Variants in PCDHA3 observed in about 807,000 individuals in gnomAD.
The protein encoded by PCDHA3 is protocadherin alpha-3.
In PCDHA3, 41 loss-of-function variants were observed where a neutral mutation model predicts 62.2. The observed-to-expected ratio is 0.66, with a 90% CI of 0.51 to 0.86. PCDHA3 has a LOEUF of 0.86. PCDHA3 is among the 40% of genes least tolerant of loss of function. The pLI is 0.00. For synonymous variants in PCDHA3, 640 were observed against 555.4 expected (o/e 1.15, Z -2.14); for missense variants, 1,304 against 1,241.2 (o/e 1.05, Z -0.76).
At chr5:141,006,033 G>A (rs1162099125) in intron 3 of PCDHA3, among the ~76,000 whole-genome samples, 1 of 151,252 alleles carries the variant, frequency 6.6e-6, no homozygotes, top group Non-Finnish European at 1.5e-5. Context: ...TAGTAAGAGG[G>A]AGATTTGTAG....
intron 1 of PCDHA3, chr5:140,870,316 T>C (rs1178506832): frequency 1.2e-6 from 2 of 1,614,126 alleles, no homozygotes; most frequent in Admixed American, 3.3e-5. Context: ...GAATTACTAC[T>C]CGTTGGTGCT....
chr5:140,831,489 T>TGGG (rs2150194957), intron 1 of PCDHA3, among the ~76,000 whole-genome samples: 86,355 of 148,546 alleles, frequency 0.58, 25,923 homozygotes, highest in African/African-American at 0.72. Flanking sequence ...CCTCTGGAGT[T>TGGG]ACTACACACG....
Position 140,802,670 on chromosome 5 carries a change from C to G in PCDHA3, c.1473C>G (p.Ser491=). 1.9e-6 allele frequency: 3 copies of G among 1,613,448 alleles called. No homozygotes were observed. In the South Asian group the frequency reaches 3.3e-5, roughly 18 times the overall value. Residue 491 remains serine, a synonymous_variant, in exon 1 of 4, where the codon TCC becomes TCG. Transcript: ENST00000522353. The part of the protein sequence containing the change: ...DADAQENALV[S]YSLVERRVGE... ...ACGCGCAGGAGAACGCCCTGGTGTC[C>G]TACTCGCTGGTGGAACGGCGGGTGG... is the stretch of plus-strand genomic sequence containing the variant.
At chr5:140,966,983 G>T (rs782294035) in intron 1 of PCDHA3, 1 of 1,603,778 alleles carries the variant, frequency 6.2e-7, no homozygotes, top group Non-Finnish European at 8.5e-7. Flanking sequence ...GCGGCGCTTG[G>T]GGCCGGGTTG....
At chr5:140,898,054 A>G (rs1401215235) in intron 1 of PCDHA3, among the ~76,000 whole-genome samples, 2 of 151,638 alleles carry the variant, frequency 1.3e-5, no homozygotes, top group African/African-American at 4.8e-5. Flanking sequence ...TTTTCTTGTA[A>G]ATTTGTTTGA....
chr5:140,947,668 T>A (rs2094160892), intron 1 of PCDHA3, among the ~76,000 whole-genome samples: 1 of 151,602 alleles, frequency 6.6e-6, no homozygotes, highest in Admixed American at 6.6e-5. Flanking sequence ...TACTTGGGTC[T>A]TTAAAAAATT....
intron 1 of PCDHA3, among the ~76,000 whole-genome samples, chr5:140,918,303 G>C (rs2078625601): frequency 6.6e-6 from 1 of 152,112 alleles, no homozygotes; most frequent in Non-Finnish European, 1.5e-5. Flanking sequence ...AGAATATAGG[G>C]TTTTCTAGGT....
At chr5:140,879,180 G>C (rs1459369751) in intron 1 of PCDHA3, among the ~76,000 whole-genome samples, 14 of 152,206 alleles carry the variant, frequency 9.2e-5, no homozygotes, top group African/African-American at 3.4e-4. Context: ...TAGGTATCAA[G>C]TAATGGAGAC....
chr5:140,856,200 T>G (rs1463727286), intron 1 of PCDHA3: 1 of 1,597,908 alleles, frequency 6.3e-7, no homozygotes, highest in African/African-American at 1.3e-5. Flanking sequence ...GCGCAGGACC[T>G]GGGGCTGGAG....
intron 1 of PCDHA3, among the ~76,000 whole-genome samples, chr5:140,943,423 T>C (rs782562871): frequency 5.3e-5 from 8 of 152,080 alleles, no homozygotes; most frequent in Non-Finnish European, 7.4e-5. Context: ...GGCAAGGGCT[T>C]TAATATGATA....
At position 140,876,037 on chromosome 5, in the gene PCDHA3, A is replaced by G. The variant is rs1554168212; in HGVS notation, c.2394+72446A>G. On this transcript the variant is annotated intron_variant, in intron 1 of 3. Transcript: ENST00000522353. ...TAAAATAAAAACAAAAAAAGATAAA[A>G]GTATATTGCCTGAATTAGTTCTTCG... is the stretch of plus-strand genomic sequence containing the variant. 1.9e-6 allele frequency: 3 copies of G among 1,613,766 alleles called. No homozygotes were observed. Among genetic ancestry groups the G allele is most frequent in the South Asian group, 2.2e-5 (2 of 91,050 alleles).
intron 1 of PCDHA3, chr5:140,882,620 C>T: frequency 6.2e-7 from 1 of 1,614,220 alleles, no homozygotes; most frequent in Non-Finnish European, 8.5e-7. Flanking sequence ...GCAGGTTTTC[C>T]ATGTGGAGGT....
At chr5:140,887,906 T>C (rs2061622663) in intron 1 of PCDHA3, among the ~76,000 whole-genome samples, 1 of 152,198 alleles carries the variant, frequency 6.6e-6, no homozygotes, top group Admixed American at 6.5e-5. Context: ...TCCTAAACAG[T>C]GTATTCTTCA....
rs781848330 is a variant in PCDHA3, at chr5:140,801,375, G to A, written c.178G>A (p.Val60Met). ...QDLGLELAELVPRLFRVASKR... is the reference protein window; with the variant it reads ...QDLGLELAELMPRLFRVASKR... ...CCTGGGGCTGGAGCTGGCGGAGCTG[G>A]TGCCGCGCCTGTTCCGGGTGGCGTC... is the stretch of plus-strand genomic sequence containing the variant. Residue 60 changes from valine (V) to methionine (M), a missense_variant, in exon 1 of 4, where the codon GTG (valine) becomes ATG (methionine). Coordinates refer to ENST00000522353, the MANE Select transcript of PCDHA3 (RefSeq NM_018906.3). 1 of 1,613,516 alleles carries A rather than the reference G, an allele frequency of 6.2e-7. No homozygotes were observed. The highest frequency in any genetic ancestry group is 1.1e-5 in the South Asian group (1 of 91,040).
intron 1 of PCDHA3, chr5:140,883,514 G>C (rs2059648914): frequency 1.2e-6 from 2 of 1,614,220 alleles, no homozygotes; most frequent in Non-Finnish European, 1.7e-6. Context: ...CCTGGACCGC[G>C]AGAGCGTATC....
chr5:140,944,999 G>A (rs2093721816), intron 1 of PCDHA3, among the ~76,000 whole-genome samples: 1 of 151,896 alleles, frequency 6.6e-6, no homozygotes, highest in Non-Finnish European at 1.5e-5. Context: ...TAACGGTTGT[G>A]GGTCATGAAT....
intron 1 of PCDHA3, among the ~76,000 whole-genome samples, chr5:140,827,760 T>C (rs1554130877): frequency 6.6e-6 from 1 of 152,232 alleles, no homozygotes; most frequent in Non-Finnish European, 1.5e-5. Context: ...TACTTTAAAT[T>C]AATAAAAGAA....
At chr5:141,005,018 T>C (rs2098193299) in intron 3 of PCDHA3, among the ~76,000 whole-genome samples, 1 of 152,250 alleles carries the variant, frequency 6.6e-6, no homozygotes, top group Non-Finnish European at 1.5e-5. Flanking sequence ...AGCTGCATTA[T>C]ATATAATTGC....
chr5:140,857,527 G>T (rs147361555), intron 1 of PCDHA3: 13 of 1,597,684 alleles, frequency 8.1e-6, no homozygotes, highest in Non-Finnish European at 1.1e-5. Flanking sequence ...CCTACTCTCT[G>T]GTGGAGCGGC....
Sources: allele counts gnomAD v4.1 joint callset (sites outside exome capture counted in the v4.1 genomes callset), GRCh38; gene constraint gnomAD v4.1.1; transcripts MANE v1.5; gene names NCBI Gene and HGNC (gene_info 2026-07-23, HGNC 2026-07-21).